CNTN4: variants seen among roughly 807,000 people sequenced by gnomAD.
The protein encoded by CNTN4 is contactin-4.
CNTN4 carries 77 observed loss-of-function variants against 122.5 expected under a neutral mutation model. That is an observed-to-expected ratio of 0.63 (90% CI 0.52 to 0.76). The LOEUF is 0.76. CNTN4 is among the 30% of genes least tolerant of loss of function. CNTN4 has a pLI of 0.00. For synonymous variants in CNTN4, 512 were observed against 447.0 expected, an observed-to-expected ratio of 1.15 and a Z score of -1.83; for missense variants, 1,256 against 1,259.1, an observed-to-expected ratio of 1.00 and a Z score of 0.04.
At chr3:3,019,817 C>CAT (rs1698132245) in intron 14 of CNTN4, among the ~76,000 whole-genome samples, 1 of 115,128 alleles carries the variant, frequency 8.7e-6, no homozygotes, top group African/African-American at 3.5e-5. Flanking sequence ...TATATATATA[C>CAT]ATATATATAT....
Position 2,883,133 on chromosome 3 carries a change from A to G in CNTN4, c.653-12A>G, listed in dbSNP as rs1170280102. ...AGAATCTCCAAGACTTAGCCCCTTT[A>G]TTTATTCACAGGAGTGATGGGTGAA... On this transcript the variant is annotated splice_polypyrimidine_tract_variant and intron_variant, in intron 8 of 24. Transcript: ENST00000418658. 1.3e-6 allele frequency: 2 copies of G among 1,586,484 alleles called. No homozygotes were observed. Among genetic ancestry groups the G allele is most frequent in the African/African-American group, 1.3e-5 (1 of 74,390 alleles).
chr3:2,879,211 A>G (rs2093879618), intron 8 of CNTN4, among the ~76,000 whole-genome samples: 1 of 152,166 alleles, frequency 6.6e-6, no homozygotes, highest in African/African-American at 2.4e-5. Context: ...CACAGAAAGA[A>G]TGTCACGTGA....
Position 2,273,912 on chromosome 3 carries a change from G to T in CNTN4, c.-144-65266G>T, listed in dbSNP as rs75052413. ...AAGATAGAAGAATTTCTTTTTCTTT[G>T]CCTTCGCTTAATAGAGGTTAGCATT... On this transcript the variant is annotated intron_variant, in intron 2 of 24. Coordinates refer to ENST00000418658, the MANE Select transcript of CNTN4 (RefSeq NM_175607.3). 4.4e-4 allele frequency among the ~76,000 whole-genome samples: 67 copies of T among 151,778 alleles called. 1 individual carries two copies. The East Asian group carries it at 0.013, about 29-fold the overall frequency.
rs924122219 is a variant in CNTN4 at position 3,057,341 on chromosome 3, T to C, written c.*1121T>C. 2 of 152,646 alleles carry C rather than the reference T, an allele frequency of 1.3e-5. No individual in the cohort carries two copies. Among genetic ancestry groups the C allele is most frequent in the Non-Finnish European group, 2.9e-5 (2 of 68,038 alleles). The allele number at this position is 152,646 out of a possible 1,614,324, so 9.5% of individuals were successfully genotyped here. ...ACTCTATAAAAGCTCTTTAGTACAA[T>C]TGTATGGTTTCTTGATGATTCTGTT... On this transcript the variant is annotated 3_prime_UTR_variant, in exon 25 of 25. Transcript: ENST00000418658.
At chr3:2,595,698 TG>T (rs2080737182) in intron 4 of CNTN4, among the ~76,000 whole-genome samples, 1 of 152,164 alleles carries the variant, frequency 6.6e-6, no homozygotes, top group Non-Finnish European at 1.5e-5. Context: ...CCCCTCCTAC[TG>T]GGAGAAGGTA....
chr3:2,798,366 A>ATCTATCTACCTACCT (rs57013365), intron 6 of CNTN4, among the ~76,000 whole-genome samples: 1 of 135,374 alleles, frequency 7.4e-6, no homozygotes, highest in Non-Finnish European at 1.6e-5. Flanking sequence ...TACACACATA[A>ATCTATCTACCTACCT]ATCTATCTAT....
chr3:2,953,549 T>C (rs2094768577), intron 13 of CNTN4, among the ~76,000 whole-genome samples: 1 of 152,106 alleles, frequency 6.6e-6, no homozygotes, highest in African/African-American at 2.4e-5. Flanking sequence ...TTTTTGTATA[T>C]GTCCCTTCTT....
chr3:2,137,054 T>A (rs1242337893), intron 2 of CNTN4, among the ~76,000 whole-genome samples: 2 of 152,162 alleles, frequency 1.3e-5, no homozygotes, highest in Non-Finnish European at 1.5e-5. Flanking sequence ...TTTCCCAGTA[T>A]CTAAAGCCAT....
chr3:2,287,718 GAAGAAGAA>G (rs1559416004), intron 2 of CNTN4, among the ~76,000 whole-genome samples: 1,539 of 74,358 alleles, frequency 0.021, 44 homozygotes, highest in African/African-American at 0.029. Context: ...AGAGGAAGAA[GAAGAAGAA>G]GAAGAAGAAG....
intron 4 of CNTN4, among the ~76,000 whole-genome samples, chr3:2,573,917 A>G (rs764264372): frequency 7.2e-5 from 11 of 152,050 alleles, no homozygotes; most frequent in Non-Finnish European, 1.5e-4. Context: ...CTGAATTTTG[A>G]TTTTTTAAAC....
At chr3:2,678,499 C>T (rs967720630) in intron 4 of CNTN4, among the ~76,000 whole-genome samples, 1 of 152,156 alleles carries the variant, frequency 6.6e-6, no homozygotes, top group Non-Finnish European at 1.5e-5. Context: ...TAGGCTCCTA[C>T]TCTATGGCGG....
intron 2 of CNTN4, among the ~76,000 whole-genome samples, chr3:2,299,225 A>C (rs191314527): frequency 6.6e-6 from 1 of 152,230 alleles, no homozygotes; most frequent in Non-Finnish European, 1.5e-5. Flanking sequence ...GCAGATTAAC[A>C]AAACACATTA....
intron 13 of CNTN4, among the ~76,000 whole-genome samples, chr3:2,960,564 A>G (rs749097646): frequency 1.3e-5 from 2 of 152,258 alleles, no homozygotes; most frequent in African/African-American, 4.8e-5. Flanking sequence ...TGACTTAGTT[A>G]GTATTATTAG....
chr3:2,552,458 A>G (rs1303759959), intron 3 of CNTN4, among the ~76,000 whole-genome samples: 2 of 152,188 alleles, frequency 1.3e-5, no homozygotes, highest in Non-Finnish European at 2.9e-5. Flanking sequence ...TACAAGACAA[A>G]TGCTCATCAT....
intron 7 of CNTN4, among the ~76,000 whole-genome samples, chr3:2,850,257 G>A (rs1012723269): frequency 6.6e-6 from 1 of 152,020 alleles, no homozygotes; most frequent in African/African-American, 2.4e-5. Context: ...CAAAGTGCAG[G>A]GATTACAGGC....
chr3:2,556,020 C>T (rs542697877), intron 3 of CNTN4, among the ~76,000 whole-genome samples: 5 of 152,098 alleles, frequency 3.3e-5, no homozygotes, highest in Non-Finnish European at 5.9e-5. Flanking sequence ...CCAAGAGCTA[C>T]GTAATGTTTT....
chr3:2,338,816 T>A (rs1422007823), intron 2 of CNTN4, among the ~76,000 whole-genome samples: 1 of 152,150 alleles, frequency 6.6e-6, no homozygotes, highest in Non-Finnish European at 1.5e-5. Flanking sequence ...TCAATTTTTA[T>A]TATTTTAAAA....
chr3:2,342,099 C>T (rs1215341406), intron 3 of CNTN4, among the ~76,000 whole-genome samples: 3 of 152,222 alleles, frequency 2.0e-5, no homozygotes, highest in Non-Finnish European at 4.4e-5. Context: ...ATATATCCAT[C>T]AACTAAGTAA....
At chr3:2,948,509 A>G (rs1013290286) in intron 13 of CNTN4, among the ~76,000 whole-genome samples, 1 of 152,212 alleles carries the variant, frequency 6.6e-6, no homozygotes, top group African/African-American at 2.4e-5. Context: ...GGCTCGCAGG[A>G]AAATCTGTAT....
Sources: allele counts gnomAD v4.1 joint callset (sites outside exome capture counted in the v4.1 genomes callset), GRCh38; gene constraint gnomAD v4.1.1; transcripts MANE v1.5; gene names NCBI Gene and HGNC (gene_info 2026-07-23, HGNC 2026-07-21).